Variants in BTBD10 observed in about 807,000 individuals in gnomAD.
BTBD10 encodes BTB/POZ domain-containing protein 10.
A neutral mutation model predicts 53.2 loss-of-function variants in BTBD10; 21 were observed. The observed-to-expected ratio is 0.39, with a 90% CI of 0.28 to 0.57. The LOEUF (loss-of-function observed/expected upper bound fraction) is 0.57. Ranked by LOEUF, BTBD10 falls within the 20% of genes least tolerant of loss-of-function variation. BTBD10 has a pLI of 0.53. For missense variants in BTBD10, 360 were observed against 594.7 expected, an observed-to-expected ratio of 0.61 and a Z score of 4.10; for synonymous variants, 149 against 192.7, an observed-to-expected ratio of 0.77 and a Z score of 1.88.
intron 2 of BTBD10, among the ~76,000 whole-genome samples, chr11:13,425,926 T>C (rs1030136066): frequency 3.3e-5 from 5 of 152,032 alleles, no homozygotes; most frequent in African/African-American, 1.2e-4. Flanking sequence ...TAATGGGAGA[T>C]TACACATTAT....
chr11:13,423,072 G>C (rs898554059), intron 2 of BTBD10, among the ~76,000 whole-genome samples: 55 of 152,090 alleles, frequency 3.6e-4, no homozygotes, highest in African/African-American at 1.3e-3. Context: ...CATTGCTATA[G>C]AGTAGCCACT....
chr11:13,410,620 A>G (rs1157947943), intron 6 of BTBD10, among the ~76,000 whole-genome samples: 2 of 152,220 alleles, frequency 1.3e-5, no homozygotes, highest in Non-Finnish European at 2.9e-5. Context: ...AGGACAAAAA[A>G]AAGATATAAA....
chr11:13,450,628 G>C (rs1401155922), intron 1 of BTBD10, among the ~76,000 whole-genome samples: 1 of 152,122 alleles, frequency 6.6e-6, no homozygotes, highest in African/African-American at 2.4e-5. Flanking sequence ...AATTGACAGA[G>C]AACTGAACAG....
chr11:13,420,601 T>C (rs1366808835), intron 3 of BTBD10, among the ~76,000 whole-genome samples: 1 of 152,048 alleles, frequency 6.6e-6, no homozygotes, highest in Admixed American at 6.6e-5. Flanking sequence ...TGTACCTCCA[T>C]CTCATCACTT....
At position 13,399,706 on chromosome 11, in the gene BTBD10, G is replaced by T. The variant is rs192613851; in HGVS notation, c.1117+3462C>A. ...TCTACCTTTGGTCTTTGATGATGGT[G>T]ACGTACAGATGGGTTTTTGGTGTGG... On this transcript the variant is annotated intron_variant, in intron 8 of 8. Transcript: ENST00000278174. Among the ~76,000 whole-genome samples, 808 of 152,260 alleles carry T rather than the reference G, an allele frequency of 5.3e-3. 6 individuals are homozygous for T. The highest frequency in any genetic ancestry group is 0.019 in the African/African-American group (786 of 41,522).
intron 8 of BTBD10, among the ~76,000 whole-genome samples, chr11:13,399,293 C>T (rs889409978): frequency 3.3e-5 from 5 of 152,102 alleles, no homozygotes; most frequent in African/African-American, 1.2e-4. Context: ...TCATTTCATT[C>T]ATTTTGTCTT....
At chr11:13,446,027 G>T (rs778479411) in intron 1 of BTBD10, among the ~76,000 whole-genome samples, 16 of 152,100 alleles carry the variant, frequency 1.1e-4, no homozygotes, top group Non-Finnish European at 2.1e-4. Context: ...AAAGAACAAG[G>T]ATAATTCACT....
At chr11:13,413,406 T>C (rs1440833613) in intron 6 of BTBD10, 124 bp downstream of exon 6, 28 of 752,336 alleles carry the variant, frequency 3.7e-5, no homozygotes, top group Admixed American at 6.7e-5. Context: ...TTTGTGGTAC[T>C]AGAATGCTTT....
rs1379354744 is a variant in BTBD10 at position 13,388,158 on chromosome 11, A to AT, written c.*672dup. ...TTAGTAAATAAATATCTGTGAACAG[A>AT]TTAAGGGTAAGGCAGACTGGATAAT... On this transcript the variant is annotated 3_prime_UTR_variant, in exon 9 of 9. Coordinates refer to ENST00000278174, the MANE Select transcript of BTBD10 (RefSeq NM_032320.7). 1 of 152,678 alleles carries AT rather than the reference A, an allele frequency of 6.5e-6. No homozygotes were observed. The highest frequency in any genetic ancestry group is 1.5e-5 in the Non-Finnish European group (1 of 68,050). 9.5% of individuals were successfully genotyped at this position (152,678 alleles called of 1,614,324 possible). A position where few individuals can be genotyped will look rare whatever the true frequency, so the allele number is the denominator to read the frequency against.
At chr11:13,438,663 G>GA (rs1023253005) in intron 2 of BTBD10, among the ~76,000 whole-genome samples, 1 of 151,540 alleles carries the variant, frequency 6.6e-6, no homozygotes, top group Non-Finnish European at 1.5e-5. Context: ...TATATACACA[G>GA]AAAAAACAGG....
rs750137850 is a variant in BTBD10 at position 13,421,622 on chromosome 11, G to A, written c.298+20C>T. On this transcript the variant is annotated intron_variant, in intron 3 of 8. Coordinates refer to ENST00000278174, the MANE Select transcript of BTBD10 (RefSeq NM_032320.7). The stretch of plus-strand genomic sequence containing the variant: ...GCATGTTTTTAAGAACTGTTAGGAA[G>A]GTTAGTTGATTTTACATACCAACAT... The A allele has an allele frequency of 1.9e-6, 3 of 1,595,074 alleles. No homozygotes were observed. The highest frequency in any genetic ancestry group is 3.4e-5 in the Admixed American group (2 of 59,556).
At chr11:13,420,554 G>C (rs1950224118) in intron 3 of BTBD10, among the ~76,000 whole-genome samples, 1 of 151,996 alleles carries the variant, frequency 6.6e-6, no homozygotes, top group Non-Finnish European at 1.5e-5. Flanking sequence ...ATTTCATTTA[G>C]AGACTAGATC....
intron 2 of BTBD10, among the ~76,000 whole-genome samples, chr11:13,429,921 T>C (rs12421136): frequency 2.0e-5 from 3 of 151,456 alleles, no homozygotes; most frequent in Admixed American, 6.6e-5. Flanking sequence ...CTGGGCAACA[T>C]AGTGAGACCA....
intron 2 of BTBD10, among the ~76,000 whole-genome samples, chr11:13,443,337 AAAC>A (rs1227211065): frequency 3.9e-5 from 6 of 152,092 alleles, no homozygotes; most frequent in Non-Finnish European, 8.8e-5. Context: ...ACTGACAATG[AAAC>A]AACAATAATG....
intron 1 of BTBD10, among the ~76,000 whole-genome samples, chr11:13,446,085 T>C (rs1017450327): frequency 6.6e-6 from 1 of 152,182 alleles, no homozygotes; most frequent in African/African-American, 2.4e-5. Flanking sequence ...CTAAAGTATT[T>C]GTTTGGAAAT....
intron 2 of BTBD10, among the ~76,000 whole-genome samples, chr11:13,439,153 A>C (rs1458388628): frequency 1.3e-5 from 2 of 152,122 alleles, no homozygotes; most frequent in Non-Finnish European, 2.9e-5. Context: ...AAGGATCAGC[A>C]GGATAAGGGT....
intron 3 of BTBD10, 32 bp downstream of exon 3, chr11:13,421,610 A>C (rs1326445943): frequency 6.4e-7 from 1 of 1,563,144 alleles, no homozygotes; most frequent in Admixed American, 1.7e-5. Flanking sequence ...TGTTTTTAAG[A>C]ACTGTTAGGA....
At chr11:13,444,833 A>T (rs1950723780) in intron 2 of BTBD10, among the ~76,000 whole-genome samples, 191 bp downstream of exon 2, 1 of 152,160 alleles carries the variant, frequency 6.6e-6, no homozygotes, top group Admixed American at 6.5e-5. Flanking sequence ...TAAATATTCA[A>T]ATACAAATAT....
intron 7 of BTBD10, among the ~76,000 whole-genome samples, chr11:13,403,557 T>C (rs1215017152): frequency 6.6e-6 from 1 of 151,918 alleles, no homozygotes; most frequent in Non-Finnish European, 1.5e-5. Context: ...CATCTACACA[T>C]TTATTGGAAT....
Sources: allele counts gnomAD v4.1 joint callset (sites outside exome capture counted in the v4.1 genomes callset), GRCh38; gene constraint gnomAD v4.1.1; transcripts MANE v1.5; gene names NCBI Gene and HGNC (gene_info 2026-07-23, HGNC 2026-07-21).